The following C1GALT1 variants were observed in gnomAD, a reference collection of about 807,000 sequenced individuals.
C1GALT1 encodes the protein core 1 synthase, glycoprotein-N-acetylgalactosamine 3-beta-galactosyltransferase 1, also known as glycoprotein-N-acetylgalactosamine 3-beta-galactosyltransferase 1.
A neutral mutation model predicts 31.0 loss-of-function variants in C1GALT1; 11 were observed. That is an observed-to-expected ratio of 0.36 (90% CI 0.22 to 0.59). The LOEUF (loss-of-function observed/expected upper bound fraction) is 0.59. C1GALT1 is among the 20% of genes least tolerant of loss of function. The pLI is 0.79. For synonymous variants in C1GALT1, 175 were observed against 143.6 expected (o/e 1.22, Z -1.56); for missense variants, 424 against 425.2 (o/e 1.00, Z 0.03).
At chr7:7,160,883 TTA>T (rs1562550255) in intron 2 of C1GALT1, among the ~76,000 whole-genome samples, 2 of 151,882 alleles carry the variant, frequency 1.3e-5, no homozygotes, top group Admixed American at 1.3e-4. Flanking sequence ...GAAAAAAACC[TTA>T]GAACTATACA....
At chr7:7,175,618 T>C (rs565985977) in intron 2 of C1GALT1, among the ~76,000 whole-genome samples, 1 of 152,368 alleles carries the variant, frequency 6.6e-6, no homozygotes, top group East Asian at 1.9e-4. Flanking sequence ...CCCTAGGTTC[T>C]GAGTTAGCAA....
chr7:7,202,432 C>G (rs533152832), intron 1 of C1GALT1, among the ~76,000 whole-genome samples: 1 of 152,288 alleles, frequency 6.6e-6, no homozygotes, highest in African/African-American at 2.4e-5. Flanking sequence ...CAACTTCATT[C>G]TTTTGCATGT....
intron 1 of C1GALT1, among the ~76,000 whole-genome samples, chr7:7,225,667 T>C (rs1423683063): frequency 6.6e-6 from 1 of 152,230 alleles, no homozygotes; most frequent in Non-Finnish European, 1.5e-5. Context: ...AGTTTTTTAA[T>C]GGCAAAATTA....
intron 2 of C1GALT1, among the ~76,000 whole-genome samples, chr7:7,176,290 A>T (rs1360297336): frequency 1.3e-5 from 2 of 150,426 alleles, no homozygotes; most frequent in Non-Finnish European, 3.0e-5. Flanking sequence ...TTGAAATAAG[A>T]AAAAAAAAAT....
At chr7:7,179,036 G>A (rs1385331449), upstream of C1GALT1, among the ~76,000 whole-genome samples, 5 of 152,170 alleles carry the variant, frequency 3.3e-5, no homozygotes, top group Non-Finnish European at 7.3e-5. Flanking sequence ...CTGCTTCCAA[G>A]CTCACTCACA....
At chr7:7,224,496 TG>T (rs1782663315) in intron 1 of C1GALT1, among the ~76,000 whole-genome samples, 1 of 152,118 alleles carries the variant, frequency 6.6e-6, no homozygotes. Flanking sequence ...GTTTTAAAAT[TG>T]TGAGTTCAGT....
chr7:7,204,875 T>C (rs1781670456), intron 1 of C1GALT1, among the ~76,000 whole-genome samples: 1 of 152,202 alleles, frequency 6.6e-6, no homozygotes, highest in Admixed American at 6.5e-5. Context: ...AACTTCATTG[T>C]ATTGTGCTCA....
intron 1 of C1GALT1, among the ~76,000 whole-genome samples, chr7:7,198,190 A>G (rs1333423007): frequency 1.3e-5 from 2 of 152,124 alleles, no homozygotes; most frequent in Non-Finnish European, 2.9e-5. Context: ...ATAGCTTATT[A>G]TTTTAAGATA....
intron 2 of C1GALT1, among the ~76,000 whole-genome samples, chr7:7,173,067 A>T (rs1461305712): frequency 1.3e-5 from 2 of 152,056 alleles, no homozygotes; most frequent in Non-Finnish European, 2.9e-5. Flanking sequence ...TATAGTTTGG[A>T]TATTTCTCTT....
At chr7:7,163,344 C>T (rs1174122546) in intron 2 of C1GALT1, among the ~76,000 whole-genome samples, 2 of 152,042 alleles carry the variant, frequency 1.3e-5, no homozygotes, top group Non-Finnish European at 2.9e-5. Context: ...CTATGACAAA[C>T]CCACAGCCAA....
intron 1 of C1GALT1, among the ~76,000 whole-genome samples, chr7:7,198,047 C>A (rs1322823310): frequency 6.6e-6 from 1 of 152,118 alleles, no homozygotes; most frequent in Non-Finnish European, 1.5e-5. Flanking sequence ...TGCCTGATTG[C>A]CCTGGCCAGA....
At chr7:7,229,285 C>T (rs1304423504) in intron 1 of C1GALT1, among the ~76,000 whole-genome samples, 1 of 152,126 alleles carries the variant, frequency 6.6e-6, no homozygotes, top group African/African-American at 2.4e-5. Context: ...AATGGAAAAC[C>T]AAGATCAGTG....
chr7:7,243,358 A>C (rs567225398), intron 3 of C1GALT1, among the ~76,000 whole-genome samples, 166 bp from the exon 4 acceptor site: 3 of 152,218 alleles, frequency 2.0e-5, no homozygotes, highest in Non-Finnish European at 4.4e-5. Flanking sequence ...GTCTAAGTAA[A>C]CTATTGATTT....
intron 1 of C1GALT1, among the ~76,000 whole-genome samples, chr7:7,220,986 C>A (rs949516094): frequency 2.4e-5 from 3 of 124,124 alleles, no homozygotes; most frequent in Non-Finnish European, 5.1e-5. Context: ...CCTTTTGTTC[C>A]TCTCTCTGAA....
chr7:7,208,031 A>C (rs78933116), intron 1 of C1GALT1, among the ~76,000 whole-genome samples: 6,218 of 152,226 alleles, frequency 0.041, 290 homozygotes, highest in African/African-American at 0.12. Context: ...ATGCTTTCTG[A>C]GTAGCATGAT....
intron 1 of C1GALT1, among the ~76,000 whole-genome samples, chr7:7,231,896 G>A (rs537180512): frequency 6.6e-6 from 1 of 152,294 alleles, no homozygotes; most frequent in Admixed American, 6.5e-5. Flanking sequence ...GTCAGTGGCT[G>A]AGATGACTCT....
intron 1 of C1GALT1, among the ~76,000 whole-genome samples, chr7:7,225,658 GT>G (rs1436516683): frequency 1.3e-5 from 2 of 152,158 alleles, no homozygotes. Context: ...AAACATTTGA[GT>G]TTTTTAATGG....
At chr7:7,242,809 G>A (rs557960572) in intron 3 of C1GALT1, among the ~76,000 whole-genome samples, 1 of 152,112 alleles carries the variant, frequency 6.6e-6, no homozygotes, top group South Asian at 2.1e-4. Context: ...CTACCTTAGG[G>A]CCACCTGATA....
At chr7:7,212,452 C>A (rs1324442182) in intron 1 of C1GALT1, among the ~76,000 whole-genome samples, 1 of 152,168 alleles carries the variant, frequency 6.6e-6, no homozygotes, top group African/African-American at 2.4e-5. Flanking sequence ...ATGCAAACAA[C>A]TATATTGCCA....
Sources: allele counts gnomAD v4.1 joint callset (sites outside exome capture counted in the v4.1 genomes callset), GRCh38; gene constraint gnomAD v4.1.1; transcripts MANE v1.5; gene names NCBI Gene and HGNC (gene_info 2026-07-23, HGNC 2026-07-21).